Variants in VPS13A observed in about 807,000 individuals in gnomAD.
VPS13A encodes the protein intermembrane lipid transfer protein VPS13A.
A neutral mutation model predicts 390.9 loss-of-function variants in VPS13A; 264 were observed. The ratio of observed to expected loss-of-function variants is 0.68; its 90% CI spans 0.61 to 0.75. The LOEUF is 0.75. Among genes scored for constraint, VPS13A ranks in the 30% least tolerant of loss-of-function variants. The probability of loss-of-function intolerance (pLI) is 0.00; values close to 1 mark genes in which losing one functional copy is unlikely to be tolerated. For synonymous variants in VPS13A, 1,231 were observed against 1,227.1 expected (o/e 1.00, Z -0.07); for missense variants, 3,409 against 3,733.9 (o/e 0.91, Z 2.27).
chr9:77,219,854 A>G, intron 10 of VPS13A, 100 bp from the exon 11 acceptor site: 1 of 1,274,754 alleles, frequency 7.8e-7, no homozygotes, highest in Non-Finnish European at 1.1e-6. Context: ...TAGAAGGGGT[A>G]TAAAATAAAT....
At chr9:77,369,264 A>G (rs773253468) in intron 62 of VPS13A, 35 bp from the exon 63 acceptor site, 3 of 1,473,416 alleles carry the variant, frequency 2.0e-6, no homozygotes, top group African/African-American at 2.8e-5. Flanking sequence ...AGATCTAATT[A>G]TCTGAATTGA....
rs1823865874 is a variant in VPS13A, at chr9:77,179,419, G to A, written c.100+1615G>A. On this transcript the variant is annotated intron_variant, in intron 1 of 71. Coordinates refer to ENST00000360280, the MANE Select transcript of VPS13A (RefSeq NM_033305.3). ...GCCCGGCTAATTTTTAGTAGAGAGG[G>A]GGTTTTGCAATGTTGGCCAGGCTGG... 2.0e-5 allele frequency among the ~76,000 whole-genome samples: 3 copies of A among 152,250 alleles called. No homozygotes were observed. In the South Asian group the frequency reaches 6.2e-4, roughly 32 times the overall value.
chr9:77,369,241 T>C, intron 62 of VPS13A, 58 bp from the exon 63 acceptor site: 1 of 1,341,220 alleles, frequency 7.5e-7, no homozygotes. Context: ...TTAAATAATG[T>C]ATAAGAAAAA....
intron 19 of VPS13A, among the ~76,000 whole-genome samples, chr9:77,244,817 A>G (rs1419828086): frequency 3.9e-5 from 6 of 152,012 alleles, no homozygotes; most frequent in Non-Finnish European, 8.8e-5. Flanking sequence ...ATGAGAATGG[A>G]TAGATGCCCC....
intron 1 of VPS13A, among the ~76,000 whole-genome samples, chr9:77,191,077 G>A (rs1339672206): frequency 6.7e-6 from 1 of 150,270 alleles, no homozygotes; most frequent in Non-Finnish European, 1.5e-5. Context: ...TTTCTTTTCT[G>A]TGGCTAGCTT....
At chr9:77,204,145 G>A (rs1286780638) in intron 3 of VPS13A, among the ~76,000 whole-genome samples, 1 of 152,066 alleles carries the variant, frequency 6.6e-6, no homozygotes, top group Non-Finnish European at 1.5e-5. Context: ...TCATGAGATG[G>A]ATCTAAGTGG....
At chr9:77,221,787 G>A (rs1823230151) in intron 13 of VPS13A, among the ~76,000 whole-genome samples, 1 of 151,824 alleles carries the variant, frequency 6.6e-6, no homozygotes, top group African/African-American at 2.4e-5. Context: ...TTTTAGCCAC[G>A]CCTATGCTCA....
At chr9:77,252,401 T>C in intron 22 of VPS13A, 49 bp downstream of exon 22, 1 of 1,438,242 alleles carries the variant, frequency 7.0e-7, no homozygotes. Context: ...GGTAATTCTG[T>C]AGCTAGGGAA....
chr9:77,268,826 A>G (rs1334859197), intron 23 of VPS13A, among the ~76,000 whole-genome samples: 1 of 151,902 alleles, frequency 6.6e-6, no homozygotes, highest in East Asian at 1.9e-4. Flanking sequence ...TGTAATCCCA[A>G]CTGCTCAGGA....
Position 77,247,241 on chromosome 9 carries a change from A to G in VPS13A, c.1901-18A>G, listed in dbSNP as rs1363258671. On this transcript the variant is annotated intron_variant, in intron 19 of 71. Transcript: ENST00000360280. The stretch of plus-strand genomic sequence containing the variant: ...AATTTGTGAAAAGTATTCATAGAAA[A>G]GATTTACATTTTTCCAGGTCTACTG... The G allele has an allele frequency of 6.5e-7, 1 of 1,540,594 alleles. No individual in the cohort carries two copies. The highest frequency in any genetic ancestry group is 8.8e-7 in the Non-Finnish European group (1 of 1,133,464).
intron 34 of VPS13A, among the ~76,000 whole-genome samples, chr9:77,305,063 C>T (rs1054875248): frequency 3.9e-5 from 6 of 151,918 alleles, no homozygotes; most frequent in South Asian, 2.1e-4. Flanking sequence ...CTCAGCCTCC[C>T]GAATAGCTGG....
At chr9:77,241,385 G>A (rs1824484137) in intron 19 of VPS13A, among the ~76,000 whole-genome samples, 1 of 139,472 alleles carries the variant, frequency 7.2e-6, no homozygotes, top group Non-Finnish European at 1.6e-5. Flanking sequence ...TAAAATCTGT[G>A]TTGTCATTCT....
chr9:77,346,696 G>A (rs1161444026), intron 52 of VPS13A, among the ~76,000 whole-genome samples: 2 of 152,190 alleles, frequency 1.3e-5, no homozygotes, highest in African/African-American at 4.8e-5. Flanking sequence ...GTTGATTTTT[G>A]TATAAGGTGA....
intron 70 of VPS13A, 127 bp downstream of exon 70, chr9:77,406,114 T>A: frequency 8.0e-7 from 1 of 1,250,228 alleles, no homozygotes; most frequent in Non-Finnish European, 1.1e-6. Context: ...GGTTTTCCCT[T>A]ATACCTGCTA....
intron 63 of VPS13A, among the ~76,000 whole-genome samples, chr9:77,369,912 A>T (rs1832653312): frequency 2.0e-5 from 3 of 152,258 alleles, no homozygotes; most frequent in African/African-American, 7.2e-5. Flanking sequence ...TAAGAATTTT[A>T]AAGTGTTTAT....
intron 59 of VPS13A, among the ~76,000 whole-genome samples, chr9:77,361,361 T>C (rs186808921): frequency 3.6e-4 from 55 of 152,254 alleles, no homozygotes; most frequent in African/African-American, 1.2e-3. Context: ...GAAGGGCTTC[T>C]TTGACTTAGA....
At chr9:77,407,489 C>A (rs1310272928) in intron 70 of VPS13A, 44 bp from the exon 71 acceptor site, 4 of 1,513,594 alleles carry the variant, frequency 2.6e-6, no homozygotes, top group Non-Finnish European at 3.7e-6. Context: ...TGGATTTTTA[C>A]AACCAGATTA....
At chr9:77,302,390 G>A (rs1445720970) in intron 33 of VPS13A, among the ~76,000 whole-genome samples, 1 of 18,122 alleles carries the variant, frequency 5.5e-5, no homozygotes, top group East Asian at 1.3e-3. Flanking sequence ...TTTTTTTTTT[G>A]GAGACAGAGT....
Position 77,417,322 on chromosome 9 carries a change from C to T in VPS13A, c.*1316C>T, listed in dbSNP as rs1475223584. ...AAATTCTTCTCAGGCTCCTTAAACC[C>T]TCGCTTTGTTGTAAAAGCTAAAATA... On this transcript the variant is annotated 3_prime_UTR_variant, in exon 72 of 72. Coordinates refer to ENST00000360280, the MANE Select transcript of VPS13A (RefSeq NM_033305.3). 6.6e-6 allele frequency: 1 copy of T among 152,274 alleles called. No homozygotes were observed. Among genetic ancestry groups the T allele is most frequent in the Non-Finnish European group, 1.5e-5 (1 of 68,024 alleles). 9.4% of individuals were successfully genotyped at this position (152,274 alleles called of 1,614,324 possible). A position where few individuals can be genotyped will look rare whatever the true frequency, so the allele number is the denominator to read the frequency against.
Sources: gnomAD v4.1 joint callset for allele counts (sites outside exome capture counted in the v4.1 genomes callset) on GRCh38, gnomAD v4.1.1 for gene constraint, MANE v1.5 for transcripts, NCBI Gene and HGNC (gene_info 2026-07-23, HGNC 2026-07-21) for gene names.